The following NFIB variants were observed in gnomAD, a reference collection of about 807,000 sequenced individuals.
NFIB encodes nuclear factor I B.
A neutral mutation model predicts 61.5 loss-of-function variants in NFIB; 11 were observed. That is an observed-to-expected ratio of 0.18 (90% CI 0.11 to 0.30). NFIB has a LOEUF of 0.30. Ranked by LOEUF, NFIB falls within the 10% of genes least tolerant of loss-of-function variation. NFIB has a pLI of 1.00. For synonymous variants in NFIB, 260 were observed against 216.5 expected (o/e 1.20, Z -1.76); for missense variants, 471 against 608.9 (o/e 0.77, Z 2.38).
intron 10 of NFIB, among the ~76,000 whole-genome samples, chr9:14,109,670 T>C (rs533358962): frequency 3.4e-4 from 52 of 152,162 alleles, no homozygotes; most frequent in African/African-American, 1.3e-3. Context: ...GTATTCAAGA[T>C]TGTGTTAAGA....
chr9:14,465,498 G>T, the NFIB span, among the ~76,000 whole-genome samples: 1 of 151,922 alleles, frequency 6.6e-6, no homozygotes, highest in South Asian at 2.1e-4. Context: ...AGAAGAAAAT[G>T]GCTCATTAAT....
chr9:14,505,947 C>T, the NFIB span, among the ~76,000 whole-genome samples: 2 of 152,260 alleles, frequency 1.3e-5, no homozygotes, highest in South Asian at 2.1e-4. Flanking sequence ...CTACTAGAAG[C>T]CTGAATGATC....
intron 2 of NFIB, among the ~76,000 whole-genome samples, chr9:14,292,398 C>G (rs191691621): frequency 6.6e-6 from 1 of 152,276 alleles, no homozygotes; most frequent in East Asian, 1.9e-4. Context: ...GAAAGTGTTA[C>G]TCAAGAGTCA....
the NFIB span, among the ~76,000 whole-genome samples, chr9:14,440,553 A>AGGCGG: frequency 3.3e-5 from 5 of 152,204 alleles, no homozygotes; most frequent in African/African-American, 1.2e-4. Flanking sequence ...CTCCTGATTA[A>AGGCGG]AGCGGGGCTA....
chr9:14,329,579 A>G (rs1044436326), intron 1 of NFIB, among the ~76,000 whole-genome samples: 5 of 151,702 alleles, frequency 3.3e-5, no homozygotes, highest in African/African-American at 1.2e-4. Flanking sequence ...CAGTGGCGCA[A>G]CCTCGGCTCA....
At chr9:14,478,613 T>C in the NFIB span, among the ~76,000 whole-genome samples, 549 of 152,302 alleles carry the variant, frequency 3.6e-3, 3 homozygotes, top group African/African-American at 0.012. Context: ...TTTTTCAATC[T>C]CTCATCAGCA....
At chr9:14,243,032 T>C (rs946620379) in intron 2 of NFIB, among the ~76,000 whole-genome samples, 1 of 152,216 alleles carries the variant, frequency 6.6e-6, no homozygotes, top group Non-Finnish European at 1.5e-5. Context: ...ACTGCATTTA[T>C]TTGTACAGTA....
chr9:14,169,227 G>T (rs1394962295), intron 3 of NFIB, among the ~76,000 whole-genome samples: 2 of 152,126 alleles, frequency 1.3e-5, no homozygotes, highest in African/African-American at 4.8e-5. Flanking sequence ...TGGAAGTGAT[G>T]ATTTTAATAA....
the NFIB span, among the ~76,000 whole-genome samples, chr9:14,476,176 AT>A: frequency 0.025 from 3,712 of 148,218 alleles, 59 homozygotes; most frequent in Middle Eastern, 0.054. Flanking sequence ...AAGGAAAAAT[AT>A]TTTTTTTTCT....
chr9:14,512,801 G>A, the NFIB span, among the ~76,000 whole-genome samples: 4 of 148,608 alleles, frequency 2.7e-5, no homozygotes, highest in East Asian at 2.0e-4. Flanking sequence ...TCTCTGTCAC[G>A]TTTTTGAATC....
chr9:14,097,796 AGT>A (rs1285730515), intron 10 of NFIB, among the ~76,000 whole-genome samples: 1 of 150,054 alleles, frequency 6.7e-6, no homozygotes, highest in East Asian at 2.0e-4. Flanking sequence ...GGCTGAGGTG[AGT>A]GTTATGCAAA....
chr9:14,150,265 G>T lies in NFIB; in HGVS notation c.686C>A (p.Thr229Lys), dbSNP rs750267071. 2 of 1,613,150 alleles carry T rather than the reference G, an allele frequency of 1.2e-6. No homozygotes were observed. The highest frequency in any genetic ancestry group is 1.1e-5 in the South Asian group (1 of 91,056). Residue 229 changes from threonine (T) to lysine (K), a missense_variant and splice_region_variant, in exon 5 of 11, where the codon ACG (threonine) becomes AAG (lysine). Physicochemically the swap from Thr to Lys is moderately conservative, Grantham distance 78 (BLOSUM62 -1). This residue lies in a region of NFIB where 372 missense variants were observed against 395.6 expected (regional missense o/e 0.94). Transcript: ENST00000380953. ...GACTCCAGTTCCCTGGGTTATGGGC[G>T]CTGAGGAATAAGACAAAGAAGCACT... ...NVSELVRVSRTPITQGTGVNF... is the reference protein window; with the variant it reads ...NVSELVRVSRKPITQGTGVNF...
chr9:14,145,379 C>G lies in NFIB; in HGVS notation c.925+1310G>C, dbSNP rs543935750. Among the ~76,000 whole-genome samples, 3 of 152,212 alleles carry G rather than the reference C, an allele frequency of 2.0e-5. No individual in the cohort carries two copies. In the South Asian group the frequency reaches 6.2e-4, roughly 32 times the overall value. On this transcript the variant is annotated intron_variant, in intron 6 of 10. Coordinates refer to ENST00000380953, the MANE Select transcript of NFIB (RefSeq NM_001190737.2). Reference sequence around the variant, plus strand: ...GGAGATTTAGATGAGATTTAGGAATCGAGCTTTGAGTCAGTTGTGCTAAAG... The same window carrying G: ...GGAGATTTAGATGAGATTTAGGAATGGAGCTTTGAGTCAGTTGTGCTAAAG...
intron 2 of NFIB, among the ~76,000 whole-genome samples, chr9:14,277,032 A>G (rs886976806): frequency 2.0e-5 from 3 of 152,182 alleles, no homozygotes; most frequent in Non-Finnish European, 4.4e-5. Context: ...CACCTGTTAA[A>G]AAAAGCTCAA....
intron 1 of NFIB, among the ~76,000 whole-genome samples, chr9:14,386,477 G>A (rs662526): frequency 3.3e-5 from 5 of 152,134 alleles, no homozygotes; most frequent in African/African-American, 1.2e-4. Flanking sequence ...ACTATCTTAC[G>A]CTACAGGACC....
intron 8 of NFIB, among the ~76,000 whole-genome samples, chr9:14,119,879 C>A (rs563960414): frequency 1.3e-5 from 2 of 152,142 alleles, no homozygotes. Context: ...CCCAAAACCA[C>A]TGCACAATGT....
intron 1 of NFIB, among the ~76,000 whole-genome samples, chr9:14,335,592 T>C (rs2060877405): frequency 6.6e-6 from 1 of 152,234 alleles, no homozygotes. Context: ...ATACAAAGCC[T>C]TTATTAGATG....
At chr9:14,164,968 A>G (rs1039449989) in intron 3 of NFIB, among the ~76,000 whole-genome samples, 1 of 152,192 alleles carries the variant, frequency 6.6e-6, no homozygotes, top group African/African-American at 2.4e-5. Flanking sequence ...CAGAGCCACT[A>G]GCACTGGCAT....
chr9:14,503,574 T>C, the NFIB span, among the ~76,000 whole-genome samples: 1 of 152,168 alleles, frequency 6.6e-6, no homozygotes, highest in Non-Finnish European at 1.5e-5. Flanking sequence ...ATTTCCCTGA[T>C]AATTAGTGAT....
Sources: gnomAD v4.1 joint callset for allele counts (sites outside exome capture counted in the v4.1 genomes callset) on GRCh38, gnomAD v4.1.1 for gene constraint, gnomAD v4.1.1 regional missense constraint, MANE v1.5 for transcripts, NCBI Gene and HGNC (gene_info 2026-07-23, HGNC 2026-07-21) for gene names.